ENTPD4: variants seen among roughly 807,000 people sequenced by gnomAD.
ENTPD4 encodes Golgi UDPase.
Under a neutral mutation model 79.1 loss-of-function variants are expected in ENTPD4, and 60 were observed. The ratio of observed to expected loss-of-function variants is 0.76; its 90% CI spans 0.62 to 0.94. ENTPD4 has a LOEUF of 0.94. ENTPD4 is among the 40% of genes least tolerant of loss of function. The pLI is 0.00. For synonymous variants in ENTPD4, 276 were observed against 292.0 expected (o/e 0.95, Z 0.56); for missense variants, 772 against 775.1 (o/e 1.00, Z 0.05).
At chr8:23,444,758 C>G in intron 4 of ENTPD4, 152 bp from the exon 5 acceptor site, 1 of 667,628 alleles carries the variant, frequency 1.5e-6, no homozygotes, top group Non-Finnish European at 2.6e-6. Context: ...GCAGACCTTA[C>G]TTAAATGTTG....
chr8:23,449,996 T>A lies in ENTPD4; in HGVS notation c.-96A>T. Reference sequence around the variant, plus strand: ...TGGGGTCCTCACGGAGTTAGAGCCCTCCTGTTCCAGGAAGTGAGACAAATC... The same window carrying A: ...TGGGGTCCTCACGGAGTTAGAGCCCACCTGTTCCAGGAAGTGAGACAAATC... On this transcript the variant is annotated splice_region_variant and 5_prime_UTR_variant, in exon 2 of 13. Coordinates refer to ENST00000358689, the MANE Select transcript of ENTPD4 (RefSeq NM_004901.5). The A allele has an allele frequency of 6.7e-7, 1 of 1,496,220 alleles. No individual in the cohort carries two copies. The highest frequency in any genetic ancestry group is 1.1e-5 in the South Asian group (1 of 88,442). 92.7% of individuals were successfully genotyped at this position (1,496,220 alleles called of 1,614,324 possible).
In ENTPD4 at chr8:23,431,557, T is replaced by C; in HGVS notation, c.*1369A>G. 1 of 985,466 alleles carries C rather than the reference T, an allele frequency of 1.0e-6. No homozygotes were observed. Among genetic ancestry groups the C allele is most frequent in the African/African-American group, 1.7e-5 (1 of 57,370 alleles). 61.0% of individuals were successfully genotyped at this position (985,466 alleles called of 1,614,324 possible). On this transcript the variant is annotated 3_prime_UTR_variant, in exon 13 of 13. Coordinates refer to ENST00000358689, the MANE Select transcript of ENTPD4 (RefSeq NM_004901.5). Reference sequence around the variant, plus strand: ...ATGTGAATTTATTTCCTGTATTGGATGCAGACTCTTCCCTTCTGGATTTAC... The same window carrying C: ...ATGTGAATTTATTTCCTGTATTGGACGCAGACTCTTCCCTTCTGGATTTAC...
intron 8 of ENTPD4, among the ~76,000 whole-genome samples, chr8:23,440,551 G>A (rs1800650627): frequency 6.6e-6 from 1 of 152,084 alleles, no homozygotes; most frequent in African/African-American, 2.4e-5. Flanking sequence ...ATATTGAGAG[G>A]GAAAAACATG....
At chr8:23,437,529 CA>C (rs1800590552) in intron 9 of ENTPD4, among the ~76,000 whole-genome samples, 1 of 152,216 alleles carries the variant, frequency 6.6e-6, no homozygotes, top group Non-Finnish European at 1.5e-5. Flanking sequence ...ATCCTGGCAA[CA>C]AGGCCTGATG....
At chr8:23,457,256 A>AGG (rs1160453753) in intron 1 of ENTPD4, among the ~76,000 whole-genome samples, 1 of 151,872 alleles carries the variant, frequency 6.6e-6, no homozygotes, top group Non-Finnish European at 1.5e-5. Flanking sequence ...CGCCCATTCG[A>AGG]GGGGGGGATC....
chr8:23,446,028 C>A (rs1191451040), intron 4 of ENTPD4, among the ~76,000 whole-genome samples: 1 of 152,206 alleles, frequency 6.6e-6, no homozygotes, highest in Non-Finnish European at 1.5e-5. Flanking sequence ...ACAACACATA[C>A]AATTCAATTT....
chr8:23,441,781 C>T, intron 7 of ENTPD4, 58 bp from the exon 8 acceptor site: 1 of 1,563,182 alleles, frequency 6.4e-7, no homozygotes, highest in Non-Finnish European at 8.7e-7. Flanking sequence ...CTGGGCTCTT[C>T]TGAAGAGTCA....
intron 12 of ENTPD4, among the ~76,000 whole-genome samples, chr8:23,433,797 A>G (rs956470727): frequency 1.2e-4 from 18 of 152,208 alleles, no homozygotes; most frequent in African/African-American, 4.1e-4. Flanking sequence ...AATGCCTCAA[A>G]ATATCATTGA....
intron 2 of ENTPD4, among the ~76,000 whole-genome samples, chr8:23,449,181 G>A (rs1036929652): frequency 2.6e-5 from 4 of 152,146 alleles, no homozygotes; most frequent in Non-Finnish European, 4.4e-5. Flanking sequence ...TCTCTTGACA[G>A]TATTATGTAG....
intron 10 of ENTPD4, among the ~76,000 whole-genome samples, chr8:23,436,531 G>A (rs1236973251): frequency 1.3e-5 from 2 of 152,076 alleles, no homozygotes; most frequent in African/African-American, 4.8e-5. Flanking sequence ...GAAGATCAGG[G>A]GCCAAGTGTG....
At chr8:23,454,934 C>T (rs1166891739) in intron 1 of ENTPD4, among the ~76,000 whole-genome samples, 2 of 152,204 alleles carry the variant, frequency 1.3e-5, no homozygotes, top group African/African-American at 2.4e-5. Flanking sequence ...TAAGAATCTT[C>T]GCACCAGGGC....
intron 8 of ENTPD4, 131 bp from the exon 9 acceptor site, chr8:23,440,046 T>TAAGC (rs1800640624): frequency 3.0e-6 from 2 of 662,368 alleles, no homozygotes; most frequent in Admixed American, 6.0e-5. Flanking sequence ...AGGACCCTTC[T>TAAGC]AAGCATCACT....
At chr8:23,444,271 C>T (rs542661196) in intron 5 of ENTPD4, among the ~76,000 whole-genome samples, 185 bp downstream of exon 5, 1 of 152,240 alleles carries the variant, frequency 6.6e-6, no homozygotes, top group South Asian at 2.1e-4. Flanking sequence ...CAATTAAAGG[C>T]TATTTGGTGG....
At position 23,432,951 on chromosome 8, in the gene ENTPD4, G is replaced by T. The variant is rs773542726; in HGVS notation, c.1826C>A (p.Ala609Asp). The stretch of plus-strand genomic sequence containing the variant: ...TCACAAGGTCCCCGGGGCATTCTGG[G>T]CGGGAAGGCCCTCCTCCATCCAGAG... Reference protein sequence around the residue: ...AALWMEEGLPAQNAPGTL With the variant: ...AALWMEEGLPDQNAPGTL The change falls in exon 13 of 13, where the codon GCC becomes GAC. Residue 609 changes from alanine to aspartate, a missense_variant. By Grantham distance (126) the Ala-to-Asp change is moderately radical. Transcript: ENST00000358689. 4 of 1,608,954 alleles carry T rather than the reference G, an allele frequency of 2.5e-6. No homozygotes were observed. In the African/African-American group the frequency reaches 4.0e-5, roughly 16 times the overall value.
chr8:23,444,929 A>G (rs1800740063), intron 4 of ENTPD4, among the ~76,000 whole-genome samples: 1 of 152,006 alleles, frequency 6.6e-6, no homozygotes, highest in Non-Finnish European at 1.5e-5. Context: ...TGAGGCTGCT[A>G]TCACCATCAG....
chr8:23,437,249 AC>A lies in ENTPD4; in HGVS notation c.1058del (p.Gly353ValfsTer6). ...ANTIQKNRLL[G>X]KQTGLTPDMP... is the part of the protein sequence containing the mutation. ...TATCAGGAGTCAGACCAGTCTGTTT[AC>A]CCAGGAGCCTATGGCAAAACAAGAA... is the stretch of plus-strand genomic sequence containing the variant. On this transcript the variant is annotated frameshift_variant, in exon 10 of 13. Transcript: ENST00000358689. LOFTEE classifies it high-confidence loss of function. The A allele has an allele frequency of 6.3e-7, 1 of 1,584,830 alleles. No homozygotes were observed. The highest frequency in any genetic ancestry group is 8.6e-7 in the Non-Finnish European group (1 of 1,167,062).
Position 23,446,628 on chromosome 8 carries a change from T to C in ENTPD4, c.412+1052A>G, listed in dbSNP as rs189862786. Among the ~76,000 whole-genome samples the C allele has an allele frequency of 4.3e-4, 66 of 152,314 alleles. No homozygotes were observed. The East Asian group carries it at 0.011, about 26-fold the overall frequency. Reference sequence around the variant, plus strand: ...CAGACTTTAGATTTTCTGAGTAATATGCTGGTTCCTAGCTGCCCATACATC... The same window carrying C: ...CAGACTTTAGATTTTCTGAGTAATACGCTGGTTCCTAGCTGCCCATACATC... On this transcript the variant is annotated intron_variant, in intron 4 of 12. Coordinates refer to ENST00000358689, the MANE Select transcript of ENTPD4 (RefSeq NM_004901.5).
chr8:23,452,061 G>A (rs1436879717), intron 1 of ENTPD4, among the ~76,000 whole-genome samples: 1 of 152,212 alleles, frequency 6.6e-6, no homozygotes, highest in Non-Finnish European at 1.5e-5. Context: ...ATGAGGCAGA[G>A]AGGCTAAGTA....
intron 8 of ENTPD4, 192 bp from the exon 9 acceptor site, chr8:23,440,107 A>T (rs1017932030): frequency 2.0e-5 from 11 of 540,566 alleles, no homozygotes; most frequent in Admixed American, 3.4e-5. Flanking sequence ...TGGGCTGCAA[A>T]TTTGTGATAC....
Sources: allele counts gnomAD v4.1 joint callset (sites outside exome capture counted in the v4.1 genomes callset), GRCh38; gene constraint gnomAD v4.1.1; transcripts MANE v1.5; gene names NCBI Gene and HGNC (gene_info 2026-07-23, HGNC 2026-07-21).